The following PRKN variants were observed in gnomAD, a reference collection of about 807,000 sequenced individuals.
PRKN encodes the protein parkin RBR E3 ubiquitin protein ligase.
In PRKN, 56 loss-of-function variants were observed where a neutral mutation model predicts 59.5. The ratio of observed to expected loss-of-function variants is 0.94; its 90% confidence interval spans 0.76 to 1.18. PRKN has a LOEUF of 1.18. Ranked by LOEUF, PRKN falls within the 50% of genes most tolerant of loss-of-function variation. PRKN has a pLI of 0.00. For synonymous variants in PRKN, 250 were observed against 222.1 expected (o/e 1.13, Z -1.12); for missense variants, 657 against 596.4 (o/e 1.10, Z -1.06).
At chr6:161,803,841 C>T (rs1423443169) in intron 6 of PRKN, among the ~76,000 whole-genome samples, 3 of 152,174 alleles carry the variant, frequency 2.0e-5, no homozygotes, top group Non-Finnish European at 4.4e-5. Context: ...AGATGCATTT[C>T]ATAAAGGAAG....
intron 1 of PRKN, among the ~76,000 whole-genome samples, chr6:162,494,137 T>C (rs1025546159): frequency 8.5e-5 from 13 of 152,194 alleles, no homozygotes; most frequent in African/African-American, 2.4e-4. Flanking sequence ...ATGTCTCCCA[T>C]TGTGGTGCAC....
rs548037178 is a variant in PRKN at position 162,689,161 on chromosome 6, C to A, written c.7+38501G>T. On this transcript the variant is annotated intron_variant, in intron 1 of 11. Coordinates refer to ENST00000366898, the MANE Select transcript of PRKN (RefSeq NM_004562.3). ...TCGTACAGAGCACACTGCTCTCATT[C>A]CTACAAGGGCTCTGCAACCCTGTGG... Among the ~76,000 whole-genome samples the A allele has an allele frequency of 3.3e-5, 5 of 152,198 alleles. No homozygotes were observed. The East Asian group carries it at 9.6e-4, about 29-fold the overall frequency.
chr6:161,922,354 C>T (rs1031083249), intron 6 of PRKN, among the ~76,000 whole-genome samples: 7 of 152,122 alleles, frequency 4.6e-5, no homozygotes, highest in African/African-American at 1.7e-4. Context: ...CAGTCTGATT[C>T]AGAGGTTCCA....
intron 6 of PRKN, among the ~76,000 whole-genome samples, chr6:161,830,673 A>G (rs1792460634): frequency 6.6e-6 from 1 of 152,240 alleles, no homozygotes; most frequent in Non-Finnish European, 1.5e-5. Context: ...TATTCATGGT[A>G]TACAACATGG....
Position 161,473,440 on chromosome 6 carries a change from C to G in PRKN, c.1083+75414G>C, listed in dbSNP as rs1166935925. On this transcript the variant is annotated intron_variant, in intron 9 of 11. Transcript: ENST00000366898. The surrounding 1 kb of genome is among the most constrained non-coding windows in gnomAD (Gnocchi z 4.1). The stretch of plus-strand genomic sequence containing the variant: ...ACTATTTTTGGCAACATGTATTAAC[C>G]TGGAGGACATTATGCTAAGTGAACT... Among the ~76,000 whole-genome samples the G allele has an allele frequency of 1.3e-5, 2 of 151,210 alleles. No individual in the cohort carries two copies. Among genetic ancestry groups the G allele is most frequent in the African/African-American group, 4.9e-5 (2 of 41,128 alleles).
At chr6:162,235,950 GAAGAAAGGAAGAAAGAAAGAAAGAAAGA>G (rs1778654179) in intron 3 of PRKN, among the ~76,000 whole-genome samples, 1 of 102,332 alleles carries the variant, frequency 9.8e-6, no homozygotes, top group East Asian at 2.4e-4. Context: ...AGGAAGGAAG[GAAGAAAGGAAGAAAGAAAGAAAGAAAGA>G]AAGAAAGAAA....
chr6:161,418,429 C>T (rs1028642516), intron 9 of PRKN, among the ~76,000 whole-genome samples: 7 of 152,192 alleles, frequency 4.6e-5, no homozygotes, highest in Non-Finnish European at 1.0e-4. Context: ...CATGTATCGG[C>T]CTTGACGTGG....
At chr6:161,885,910 T>A (rs1259753266) in intron 6 of PRKN, among the ~76,000 whole-genome samples, 1 of 152,112 alleles carries the variant, frequency 6.6e-6, no homozygotes, top group African/African-American at 2.4e-5. Flanking sequence ...CACAAGGAGG[T>A]GGCAATGGTA....
intron 2 of PRKN, among the ~76,000 whole-genome samples, chr6:162,325,276 G>A (rs1441730132): frequency 1.3e-5 from 2 of 151,988 alleles, no homozygotes; most frequent in South Asian, 4.2e-4. Context: ...ATCGATTCTG[G>A]GATTTAGGGT....
chr6:161,532,424 A>AGT (rs1041325600), intron 9 of PRKN, among the ~76,000 whole-genome samples: 1 of 150,934 alleles, frequency 6.6e-6, no homozygotes, highest in African/African-American at 2.4e-5. Flanking sequence ...GTATGTATGT[A>AGT]GTGTGTGTGT....
rs1784991052 is a variant in PRKN at position 161,361,917 on chromosome 6, C to T, written c.1168-1712G>A. ...ATCTTCATGGCACGCCTTCCAGTCA[C>T]CACAGAGTCTTGGGTGGTCCTAACC... On this transcript the variant is annotated intron_variant, in intron 10 of 11. Transcript: ENST00000366898. This position sits in a 1 kb window ranked among gnomAD's most constrained non-coding sequence, Gnocchi z 5.2. Among the ~76,000 whole-genome samples, 1 of 152,214 alleles carries T rather than the reference C, an allele frequency of 6.6e-6. No homozygotes were observed. The highest frequency in any genetic ancestry group is 1.9e-4 in the East Asian group (1 of 5,154).
At chr6:162,416,213 A>G (rs996177211) in intron 2 of PRKN, among the ~76,000 whole-genome samples, 1 of 152,054 alleles carries the variant, frequency 6.6e-6, no homozygotes, top group African/African-American at 2.4e-5. Context: ...ATTCTGTCCT[A>G]TTTTCCTAAA....
At chr6:162,569,040 A>G (rs6915303) in intron 1 of PRKN, 139,850 of 692,322 alleles carry the variant, frequency 0.2, 18,351 homozygotes, top group African/African-American at 0.39. Context: ...GGACACATCT[A>G]TGGTGCTGTC....
At chr6:162,633,432 C>CAAAATAA (rs1777591248) in intron 1 of PRKN, among the ~76,000 whole-genome samples, 1 of 61,846 alleles carries the variant, frequency 1.6e-5, no homozygotes, top group African/African-American at 7.8e-5. Context: ...AAGACTGTCT[C>CAAAATAA]AAAAAAAAAA....
Position 161,526,969 on chromosome 6 carries a change from A to T in PRKN, c.1083+21885T>A, listed in dbSNP as rs546384211. Among the ~76,000 whole-genome samples, 5 of 152,046 alleles carry T rather than the reference A, an allele frequency of 3.3e-5. No homozygotes were observed. Among genetic ancestry groups the T allele is most frequent in the Admixed American group, 6.6e-5 (1 of 15,266 alleles). On this transcript the variant is annotated intron_variant, in intron 9 of 11. Coordinates refer to ENST00000366898, the MANE Select transcript of PRKN (RefSeq NM_004562.3). The surrounding 1 kb of genome is among the most constrained non-coding windows in gnomAD (Gnocchi z 4.1). ...AGGTTATGGAAAGGTGAGGGGAGGAAATGTATGATGAACAAAGGCTATCTT... is the reference window on the plus strand; with the variant it reads ...AGGTTATGGAAAGGTGAGGGGAGGATATGTATGATGAACAAAGGCTATCTT...
chr6:162,623,450 C>A (rs371426829), intron 1 of PRKN, among the ~76,000 whole-genome samples: 1 of 152,090 alleles, frequency 6.6e-6, no homozygotes, highest in Non-Finnish European at 1.5e-5. Flanking sequence ...AATAATATTT[C>A]GTTTTATTTC....
At chr6:162,238,087 T>C (rs1778818555) in intron 3 of PRKN, among the ~76,000 whole-genome samples, 1 of 152,250 alleles carries the variant, frequency 6.6e-6, no homozygotes, top group South Asian at 2.1e-4. Context: ...CCAACTGTCA[T>C]ACTTTGCCAT....
In PRKN at chr6:161,547,804, C is replaced by A. The variant is rs1466808135; in HGVS notation, c.1083+1050G>T. ...AAACACTTGAGTTTTCATTCTAATG[C>A]AATCACGATTATGAATCCAGAGGTA... On this transcript the variant is annotated intron_variant, in intron 9 of 11. Coordinates refer to ENST00000366898, the MANE Select transcript of PRKN (RefSeq NM_004562.3). The surrounding 1 kb of genome is among the most constrained non-coding windows in gnomAD (Gnocchi z 4.0). Among the ~76,000 whole-genome samples the A allele has an allele frequency of 6.6e-6, 1 of 152,176 alleles. No individual in the cohort carries two copies. The highest frequency in any genetic ancestry group is 1.5e-5 in the Non-Finnish European group (1 of 68,030).
At chr6:161,969,894 C>T (rs1367642038) in intron 6 of PRKN, among the ~76,000 whole-genome samples, 4 of 151,894 alleles carry the variant, frequency 2.6e-5, no homozygotes, top group African/African-American at 4.8e-5. Flanking sequence ...AAAGAGTCTG[C>T]GGGCCTAATT....
Sources: allele counts gnomAD v4.1 joint callset (sites outside exome capture counted in the v4.1 genomes callset), GRCh38; gene constraint gnomAD v4.1.1; non-coding constraint Gnocchi (gnomAD v3.1); transcripts MANE v1.5; gene names NCBI Gene and HGNC (gene_info 2026-07-23, HGNC 2026-07-21).